TENM1: variants seen among roughly 807,000 people sequenced by gnomAD.
TENM1 encodes teneurin transmembrane protein 1.
In TENM1, 35 loss-of-function variants were observed where a neutral mutation model predicts 174.8. That is an observed-to-expected ratio of 0.20 (90% CI 0.15 to 0.27). TENM1 has a LOEUF of 0.27. Ranked by LOEUF, TENM1 falls within the 10% of genes least tolerant of loss-of-function variation. The probability of loss-of-function intolerance (pLI) is 1.00; values close to 1 mark genes in which losing one functional copy is unlikely to be tolerated. For missense variants in TENM1, 1,633 were observed against 2,130.1 expected, an observed-to-expected ratio of 0.77 and a Z score of 4.59; for synonymous variants, 781 against 798.7, an observed-to-expected ratio of 0.98 and a Z score of 0.37.
chrX:125,014,756 G>C, the TENM1 span, among the ~76,000 whole-genome samples: 1 of 111,299 alleles, frequency 9.0e-6, no homozygotes, highest in Non-Finnish European at 1.9e-5. Flanking sequence ...CTTTAGAGTA[G>C]TGTTATATGA....
chrX:125,098,741 T>G, the TENM1 span, among the ~76,000 whole-genome samples: 1 of 112,174 alleles, frequency 8.9e-6, no homozygotes, highest in Non-Finnish European at 1.9e-5. Flanking sequence ...CACTATCTTT[T>G]GCCCAGGAAA....
intron 14 of TENM1, among the ~76,000 whole-genome samples, chrX:124,547,765 G>GTTT (rs893916850): frequency 8.9e-6 from 1 of 112,294 alleles, no homozygotes; most frequent in South Asian, 3.7e-4. Flanking sequence ...TGCAGAACCA[G>GTTT]TTTTTTAAGG....
chrX:124,990,504 C>A, the TENM1 span, among the ~76,000 whole-genome samples: 1 of 112,619 alleles, frequency 8.9e-6, no homozygotes, highest in African/African-American at 3.2e-5. Flanking sequence ...AATTATTCAT[C>A]AAAGCTGGCA....
At chrX:125,171,762 A>C in the TENM1 span, among the ~76,000 whole-genome samples, 1,776 of 111,352 alleles carry the variant, frequency 0.016, 16 homozygotes, top group Middle Eastern at 0.023. Context: ...ATGAGAAATA[A>C]ATTTCTATTG....
chrX:125,102,628 G>A, the TENM1 span, among the ~76,000 whole-genome samples: 1 of 111,918 alleles, frequency 8.9e-6, no homozygotes, highest in Non-Finnish European at 1.9e-5. Context: ...CAAACCCAAA[G>A]CCAATTGTCT....
intron 3 of TENM1, among the ~76,000 whole-genome samples, chrX:124,751,277 G>T (rs1382992789): frequency 3.6e-5 from 4 of 110,885 alleles, no homozygotes. Flanking sequence ...CTCTACTATG[G>T]GAAATACCAA....
chrX:124,762,158 C>T lies in TENM1; in HGVS notation c.536-24961G>A, dbSNP rs138311697. ...ATGGTGGGGAGAAAGTATGTCTCTT[C>T]TTAGAAGGGCACTAATCCCATCATG... On this transcript the variant is annotated intron_variant, in intron 3 of 31. Transcript: ENST00000422452. Among the ~76,000 whole-genome samples, 680 of 111,868 alleles carry T rather than the reference C, an allele frequency of 6.1e-3. 3 individuals are homozygous for T. Among genetic ancestry groups the T allele is most frequent in the South Asian group, 0.027 (73 of 2,687 alleles).
intron 11 of TENM1, among the ~76,000 whole-genome samples, chrX:124,573,513 G>T (rs947755853): frequency 9.0e-6 from 1 of 111,684 alleles, no homozygotes; most frequent in Admixed American, 9.5e-5. Flanking sequence ...AAAAGAAAAA[G>T]AGAATCAGTA....
At chrX:124,696,544 T>C (rs889729274) in intron 5 of TENM1, among the ~76,000 whole-genome samples, 1 of 111,005 alleles carries the variant, frequency 9.0e-6, no homozygotes, top group Admixed American at 9.6e-5. Flanking sequence ...CTCTCTCCTC[T>C]CTCTCTTAAG....
At chrX:124,763,628 T>A (rs901426678) in intron 3 of TENM1, among the ~76,000 whole-genome samples, 2 of 111,712 alleles carry the variant, frequency 1.8e-5, no homozygotes, top group East Asian at 5.6e-4. Context: ...CCATTAATAA[T>A]CACTCCACAA....
the TENM1 span, among the ~76,000 whole-genome samples, chrX:124,999,983 T>C: frequency 4.2e-4 from 47 of 111,426 alleles, 1 homozygote; most frequent in South Asian, 0.018. Context: ...ACATTCTTTT[T>C]AACAAGTATG....
At chrX:125,161,136 G>A in the TENM1 span, among the ~76,000 whole-genome samples, 1 of 108,093 alleles carries the variant, frequency 9.3e-6, no homozygotes, top group Non-Finnish European at 1.9e-5. Flanking sequence ...TATTATATAT[G>A]GTTATCCCTT....
chrX:125,139,941 A>G, the TENM1 span, among the ~76,000 whole-genome samples: 1 of 110,037 alleles, frequency 9.1e-6, no homozygotes, highest in African/African-American at 3.3e-5. Context: ...GGAGTAATCA[A>G]AGACTGCACT....
chrX:124,528,345 A>G (rs1027134210), intron 16 of TENM1, among the ~76,000 whole-genome samples: 3 of 111,691 alleles, frequency 2.7e-5, no homozygotes. Context: ...AGGTATCAAG[A>G]TTCTTTTAGG....
chrX:124,732,414 T>C (rs2053584360), intron 4 of TENM1, among the ~76,000 whole-genome samples: 1 of 111,565 alleles, frequency 9.0e-6, no homozygotes, highest in African/African-American at 3.3e-5. Context: ...CTGCTGAGAG[T>C]CCCATCTAAG....
the TENM1 span, among the ~76,000 whole-genome samples, chrX:125,054,555 A>G: frequency 1.8e-5 from 2 of 111,247 alleles, no homozygotes; most frequent in African/African-American, 6.5e-5. Context: ...GTCTATAAAT[A>G]GCCAAATAAT....
chrX:124,573,690 G>T (rs141573346), intron 11 of TENM1, among the ~76,000 whole-genome samples: 4 of 112,040 alleles, frequency 3.6e-5, no homozygotes, highest in African/African-American at 1.3e-4. Flanking sequence ...TCATGAATGA[G>T]GGAATCCTCT....
At chrX:125,192,430 C>G in the TENM1 span, among the ~76,000 whole-genome samples, 5 of 111,860 alleles carry the variant, frequency 4.5e-5, no homozygotes, top group African/African-American at 6.5e-5. Context: ...AGAGAGCAGA[C>G]AGATCATAAG....
intron 20 of TENM1, among the ~76,000 whole-genome samples, chrX:124,493,528 G>C (rs887996541): frequency 9.0e-6 from 1 of 111,523 alleles, no homozygotes; most frequent in Non-Finnish European, 1.9e-5. Context: ...GCAAGAAAAG[G>C]TCTCTGTCTA....
Sources: allele counts gnomAD v4.1 joint callset (sites outside exome capture counted in the v4.1 genomes callset), GRCh38; gene constraint gnomAD v4.1.1; transcripts MANE v1.5; gene names NCBI Gene and HGNC (gene_info 2026-07-23, HGNC 2026-07-21).